Variants in RBMS2 observed in about 807,000 individuals in gnomAD.
RBMS2 encodes the protein RNA binding motif single stranded interacting protein 2, also known as RNA-binding motif, single-stranded-interacting protein 2.
Under a neutral mutation model 58.4 loss-of-function variants are expected in RBMS2, and 38 were observed. The observed-to-expected ratio is 0.65, with a 90% CI of 0.50 to 0.85. The LOEUF (loss-of-function observed/expected upper bound fraction) is 0.85. Ranked by LOEUF, RBMS2 falls within the 40% of genes least tolerant of loss-of-function variation. The probability of loss-of-function intolerance (pLI) is 0.00; values close to 1 mark genes in which losing one functional copy is unlikely to be tolerated. For missense variants in RBMS2, 367 were observed against 503.7 expected (o/e 0.73, Z 2.60); for synonymous variants, 151 against 180.7 (o/e 0.84, Z 1.32).
intron 12 of RBMS2, 59 bp from the exon 13 acceptor site, chr12:56,588,873 T>G (rs962932484): frequency 1.3e-6 from 2 of 1,550,676 alleles, no homozygotes; most frequent in South Asian, 2.2e-5. Flanking sequence ...GTCAGGCTGC[T>G]GTAGTGGAGG....
intron 1 of RBMS2, among the ~76,000 whole-genome samples, chr12:56,546,364 A>G (rs1422398200): frequency 1.4e-5 from 2 of 138,312 alleles, no homozygotes; most frequent in Non-Finnish European, 3.1e-5. Flanking sequence ...AATGTACAAT[A>G]TATTGTACAT....
At chr12:56,541,056 G>A (rs1480312347) in intron 1 of RBMS2, among the ~76,000 whole-genome samples, 1 of 148,198 alleles carries the variant, frequency 6.7e-6, no homozygotes, top group African/African-American at 2.5e-5. Flanking sequence ...AACCATGATT[G>A]TGCCACTACA....
At position 56,545,734 on chromosome 12, in the gene RBMS2, C is replaced by T. The variant is rs555152050; in HGVS notation, c.67-16683C>T. 7.7e-4 allele frequency among the ~76,000 whole-genome samples: 117 copies of T among 152,278 alleles called. 2 individuals carry two copies. Among genetic ancestry groups the T allele is most frequent in the Non-Finnish European group, 1.6e-4 (11 of 68,024 alleles). ...TCTTTGCATAATGTTATTGGGCTTA[C>T]TTCACATTGTACCATGTATCAGTAC... is the stretch of plus-strand genomic sequence containing the variant. On this transcript the variant is annotated intron_variant, in intron 1 of 13. Transcript: ENST00000262031.
In RBMS2 at chr12:56,521,977, TTCTCTC is replaced by T. The variant is rs141771200; in HGVS notation, c.-32_-27del. On this transcript the variant is annotated 5_prime_UTR_variant, in exon 1 of 14. Transcript: ENST00000262031. ...TCCCCGTCTTTCTTACCCCCTCCCTTTCTCTCTCTCTCTCTCTCTCGCTCGTTCCCT... is the reference window on the plus strand; with the variant it reads ...TCCCCGTCTTTCTTACCCCCTCCCTTTCTCTCTCTCTCTCGCTCGTTCCCT... The T allele has an allele frequency of 5.0e-5, 34 of 679,564 alleles. No individual in the cohort carries two copies. The highest frequency in any genetic ancestry group is 9.3e-5 in the Admixed American group (3 of 32,254). The allele number at this position is 679,564 out of a possible 1,614,324, so 42.1% of individuals were successfully genotyped here. A position where few individuals can be genotyped will look rare whatever the true frequency, so the allele number is the denominator to read the frequency against.
intron 1 of RBMS2, among the ~76,000 whole-genome samples, chr12:56,523,003 T>C (rs1872010763): frequency 6.6e-6 from 1 of 152,206 alleles, no homozygotes; most frequent in Non-Finnish European, 1.5e-5. Flanking sequence ...GCTCATCTAA[T>C]GGAATGTTGG....
At chr12:56,535,662 C>T (rs2047550646) in intron 1 of RBMS2, among the ~76,000 whole-genome samples, 1 of 152,048 alleles carries the variant, frequency 6.6e-6, no homozygotes, top group Non-Finnish European at 1.5e-5. Flanking sequence ...ATTTATTAGA[C>T]ATTTCAAACT....
chr12:56,549,161 A>AT (rs1018761568), intron 1 of RBMS2, among the ~76,000 whole-genome samples: 3 of 151,908 alleles, frequency 2.0e-5, no homozygotes, highest in Admixed American at 6.6e-5. Context: ...ACCACGTCTA[A>AT]TTTTTTTATT....
rs1885217030 is a variant in RBMS2, at chr12:56,590,379, A to T, written c.*1246A>T. On this transcript the variant is annotated 3_prime_UTR_variant, in exon 14 of 14. Transcript: ENST00000262031. ...CCCTCAGGCCTTTGGCAACATCTAG[A>T]GACAGTTTTGATTGCCACGCCTGGA... 1 of 152,068 alleles carries T rather than the reference A, an allele frequency of 6.6e-6. No individual in the cohort carries two copies. The highest frequency in any genetic ancestry group is 6.6e-5 in the Admixed American group (1 of 15,252). The allele number at this position is 152,068 out of a possible 1,614,324, so 9.4% of individuals were successfully genotyped here. A position where few individuals can be genotyped will look rare whatever the true frequency, so the allele number is the denominator to read the frequency against.
chr12:56,594,250 C>T lies in RBMS2; in HGVS notation c.*5117C>T, dbSNP rs1885535564. On this transcript the variant is annotated 3_prime_UTR_variant, in exon 14 of 14. Coordinates refer to ENST00000262031, the MANE Select transcript of RBMS2 (RefSeq NM_002898.4). Reference sequence around the variant, plus strand: ...CCTAGTAGCAGTGGCTATTAGTCTTCTAGAAAAGAACTATTGCTGCTGCCT... The same window carrying T: ...CCTAGTAGCAGTGGCTATTAGTCTTTTAGAAAAGAACTATTGCTGCTGCCT... 2 of 152,244 alleles carry T rather than the reference C, an allele frequency of 1.3e-5. No homozygotes were observed. Among genetic ancestry groups the T allele is most frequent in the Admixed American group, 6.5e-5 (1 of 15,286 alleles). The allele number at this position is 152,244 out of a possible 1,614,324, so 9.4% of individuals were successfully genotyped here.
chr12:56,552,811 C>T (rs1366929150), intron 1 of RBMS2, among the ~76,000 whole-genome samples: 1 of 151,612 alleles, frequency 6.6e-6, no homozygotes. Context: ...CACTGCACTC[C>T]AGCCTGGGTG....
intron 4 of RBMS2, 35 bp from the exon 5 acceptor site, chr12:56,571,663 A>G: frequency 6.7e-7 from 1 of 1,488,772 alleles, no homozygotes; most frequent in Non-Finnish European, 9.0e-7. Context: ...GGGATAAGAG[A>G]TGTGAGCCTC....
intron 4 of RBMS2, 66 bp downstream of exon 4, chr12:56,570,056 A>C (rs776217033): frequency 6.9e-7 from 1 of 1,456,454 alleles, no homozygotes; most frequent in South Asian, 1.2e-5. Context: ...TTCCAGTTCT[A>C]AGGTTTCCAG....
intron 1 of RBMS2, among the ~76,000 whole-genome samples, chr12:56,536,622 C>T (rs1347113502): frequency 6.6e-6 from 1 of 150,980 alleles, no homozygotes; most frequent in Non-Finnish European, 1.5e-5. Flanking sequence ...GGCTGGAGTG[C>T]AGTGGCGTGA....
intron 1 of RBMS2, among the ~76,000 whole-genome samples, chr12:56,554,775 A>T (rs1193935117): frequency 6.6e-6 from 1 of 152,186 alleles, no homozygotes; most frequent in Admixed American, 6.6e-5. Context: ...TAGTAATATT[A>T]ACAGTGGTAG....
At chr12:56,572,948 T>TTGG in intron 5 of RBMS2, 1 of 984,358 alleles carries the variant, frequency 1.0e-6, no homozygotes, top group Non-Finnish European at 1.2e-6. Context: ...TCTTTGGGCT[T>TTGG]TGGTATCTGC....
chr12:56,588,532 A>G, intron 12 of RBMS2, 158 bp downstream of exon 12: 2 of 674,682 alleles, frequency 3.0e-6, no homozygotes, highest in African/African-American at 1.8e-5. Flanking sequence ...TCGCTTCGGC[A>G]GCATGCATAC....
chr12:56,552,569 T>A (rs528657710), intron 1 of RBMS2, among the ~76,000 whole-genome samples: 1 of 152,218 alleles, frequency 6.6e-6, no homozygotes, highest in South Asian at 2.1e-4. Context: ...TATAAAATCC[T>A]TAGCACAGGC....
intron 1 of RBMS2, among the ~76,000 whole-genome samples, chr12:56,559,022 C>T (rs956275900): frequency 6.6e-6 from 1 of 152,108 alleles, no homozygotes; most frequent in East Asian, 1.9e-4. Flanking sequence ...TGAGCTACCG[C>T]GCCAGCTGAC....
At chr12:56,544,538 G>A (rs920731340) in intron 1 of RBMS2, among the ~76,000 whole-genome samples, 24 of 152,012 alleles carry the variant, frequency 1.6e-4, no homozygotes, top group Admixed American at 7.2e-4. Flanking sequence ...GTAACCTAAC[G>A]TCTCAAGATA....
Sources: gnomAD v4.1 joint callset for allele counts (sites outside exome capture counted in the v4.1 genomes callset) on GRCh38, gnomAD v4.1.1 for gene constraint, MANE v1.5 for transcripts, NCBI Gene and HGNC (gene_info 2026-07-23, HGNC 2026-07-21) for gene names.